Variants in ELP3 observed in about 807,000 individuals in gnomAD.
The protein encoded by ELP3 is elongator acetyltransferase complex subunit 3.
In ELP3, 56 loss-of-function variants were observed where a neutral mutation model predicts 74.9. The ratio of observed to expected loss-of-function variants is 0.75; its 90% CI spans 0.60 to 0.93. The LOEUF (loss-of-function observed/expected upper bound fraction) is 0.93. Among genes scored for constraint, ELP3 ranks in the 40% least tolerant of loss-of-function variants. ELP3 has a pLI of 0.00. For synonymous variants in ELP3, 222 were observed against 239.8 expected (o/e 0.93, Z 0.68); for missense variants, 573 against 686.5 (o/e 0.83, Z 1.85).
intron 7 of ELP3, among the ~76,000 whole-genome samples, chr8:28,115,040 A>T (rs2130405734): frequency 6.6e-6 from 1 of 152,276 alleles, no homozygotes; most frequent in East Asian, 1.9e-4. Context: ...GCCTGACACT[A>T]AGGTTTTGGC....
intron 10 of ELP3, among the ~76,000 whole-genome samples, chr8:28,145,765 A>G (rs931254410): frequency 5.3e-5 from 8 of 152,212 alleles, no homozygotes; most frequent in East Asian, 1.9e-4. Flanking sequence ...CTGGGATTAC[A>G]GGCTCCCATC....
chr8:28,099,703 T>C, intron 2 of ELP3, 125 bp from the exon 3 acceptor site: 5 of 1,065,852 alleles, frequency 4.7e-6, no homozygotes, highest in Non-Finnish European at 7.0e-6. Context: ...CTTAAAACTA[T>C]CCTTGTCACG....
At chr8:28,139,211 A>C (rs555897137) in intron 10 of ELP3, among the ~76,000 whole-genome samples, 1 of 152,328 alleles carries the variant, frequency 6.6e-6, no homozygotes, top group African/African-American at 2.4e-5. Flanking sequence ...TTGGGGGTAT[A>C]TGCAGAAGAG....
chr8:28,176,920 C>G (rs186313736), intron 14 of ELP3, among the ~76,000 whole-genome samples: 1 of 152,002 alleles, frequency 6.6e-6, no homozygotes, highest in Non-Finnish European at 1.5e-5. Flanking sequence ...CATCATAGGC[C>G]AGACTCCCTG....
chr8:28,164,417 T>C (rs1300766236), intron 14 of ELP3, among the ~76,000 whole-genome samples: 1 of 152,200 alleles, frequency 6.6e-6, no homozygotes, highest in Non-Finnish European at 1.5e-5. Context: ...GGGAAGAACC[T>C]TTCTCTTGTC....
intron 14 of ELP3, among the ~76,000 whole-genome samples, chr8:28,174,700 C>CTT (rs1296577932): frequency 6.6e-6 from 1 of 151,992 alleles, no homozygotes; most frequent in Non-Finnish European, 1.5e-5. Flanking sequence ...ATAATACTAG[C>CTT]TTTTATGTTT....
intron 2 of ELP3, 150 bp from the exon 3 acceptor site, chr8:28,099,678 C>T: frequency 1.2e-6 from 1 of 864,082 alleles, no homozygotes; most frequent in Non-Finnish European, 1.8e-6. Flanking sequence ...TTCTATTTCC[C>T]TGATAGTCAC....
chr8:28,169,952 C>G (rs962571087), intron 14 of ELP3, among the ~76,000 whole-genome samples: 2 of 152,170 alleles, frequency 1.3e-5, no homozygotes, highest in Non-Finnish European at 2.9e-5. Flanking sequence ...ACAGCTTGCT[C>G]TCTCAGTGGG....
At chr8:28,146,934 G>T (rs980508560) in intron 10 of ELP3, among the ~76,000 whole-genome samples, 2 of 152,216 alleles carry the variant, frequency 1.3e-5, no homozygotes, top group Non-Finnish European at 2.9e-5. Context: ...TCTGTTACCA[G>T]GTCCTCACTG....
chr8:28,142,627 G>A (rs1459260053), intron 10 of ELP3, among the ~76,000 whole-genome samples: 1 of 152,198 alleles, frequency 6.6e-6, no homozygotes, highest in Non-Finnish European at 1.5e-5. Context: ...TGATGACTCA[G>A]TTCCTAACAC....
In ELP3 at chr8:28,189,848, G is replaced by GTTTCCAGTCT; in HGVS notation, c.*123_*124insTTTCCAGTCT. The GTTTCCAGTCT allele has an allele frequency of 9.4e-7, 1 of 1,064,542 alleles. No individual in the cohort carries two copies. 65.9% of individuals were successfully genotyped at this position (1,064,542 alleles called of 1,614,324 possible). On this transcript the variant is annotated 3_prime_UTR_variant, in exon 15 of 15. Transcript: ENST00000256398. ...TGGGGGGCTTCACCCTCATCCCGCA[G>GTTTCCAGTCT]CTGCAGAGACTGGAAACTGCCTTCA...
chr8:28,106,539 CAAAAAAAAAAAAAAAAAA>C (rs61714722), intron 3 of ELP3, among the ~76,000 whole-genome samples, 156 bp from the exon 4 acceptor site: 3 of 112,734 alleles, frequency 2.7e-5, no homozygotes, highest in African/African-American at 6.0e-5. Flanking sequence ...GACTCCGTCT[CAAAAAAAAAAAAAAAAAA>C]AAAAAAAAAA....
intron 7 of ELP3, among the ~76,000 whole-genome samples, chr8:28,120,758 A>G (rs1335260954): frequency 6.6e-6 from 1 of 152,190 alleles, no homozygotes; most frequent in Non-Finnish European, 1.5e-5. Flanking sequence ...CTTTTTCCCC[A>G]TATAGACAGC....
intron 3 of ELP3, among the ~76,000 whole-genome samples, chr8:28,102,892 G>T (rs78534730): frequency 1.3e-5 from 2 of 152,142 alleles, no homozygotes; most frequent in African/African-American, 4.8e-5. Flanking sequence ...ATTTGTGGCC[G>T]GGCGCAGTGG....
intron 14 of ELP3, among the ~76,000 whole-genome samples, chr8:28,182,339 T>A (rs962897412): frequency 7.2e-5 from 11 of 152,038 alleles, no homozygotes; most frequent in African/African-American, 2.7e-4. Context: ...GCACATGGAT[T>A]GCCTGAGGTC....
intron 10 of ELP3, among the ~76,000 whole-genome samples, chr8:28,140,853 G>A (rs1031623319): frequency 6.6e-6 from 1 of 152,176 alleles, no homozygotes; most frequent in Non-Finnish European, 1.5e-5. Flanking sequence ...CATGAGTGAT[G>A]TGCCATTGGC....
At chr8:28,150,389 G>A (rs1813596795) in intron 10 of ELP3, among the ~76,000 whole-genome samples, 1 of 152,122 alleles carries the variant, frequency 6.6e-6, no homozygotes, top group African/African-American at 2.4e-5. Context: ...TTGCAAGGCA[G>A]ATCTATTAGC....
chr8:28,175,357 G>A (rs904330146), intron 14 of ELP3, among the ~76,000 whole-genome samples: 1 of 151,866 alleles, frequency 6.6e-6, no homozygotes, highest in Non-Finnish European at 1.5e-5. Context: ...AAATTCAGTT[G>A]CATTATCTTA....
chr8:28,093,379 G>C, intron 1 of ELP3, 146 bp downstream of exon 1: 1 of 1,112,128 alleles, frequency 9.0e-7, no homozygotes, highest in Non-Finnish European at 1.3e-6. Flanking sequence ...GTCCATTCTG[G>C]TCCCCGAGCC....
Sources: gnomAD v4.1 joint callset for allele counts (sites outside exome capture counted in the v4.1 genomes callset) on GRCh38, gnomAD v4.1.1 for gene constraint, MANE v1.5 for transcripts, NCBI Gene and HGNC (gene_info 2026-07-23, HGNC 2026-07-21) for gene names.